TRIO: variants seen among roughly 807,000 people sequenced by gnomAD.
TRIO encodes the protein trio Rho guanine nucleotide exchange factor, also known as triple functional domain protein.
In TRIO, 58 loss-of-function variants were observed where a neutral mutation model predicts 351.9. The observed-to-expected ratio is 0.16, with a 90% CI of 0.13 to 0.21. The LOEUF (loss-of-function observed/expected upper bound fraction) is 0.21. Ranked by LOEUF, TRIO falls within the 10% of genes least tolerant of loss-of-function variation. The probability of loss-of-function intolerance (pLI) is 1.00; values close to 1 mark genes in which losing one functional copy is unlikely to be tolerated. For synonymous variants in TRIO, 1,758 were observed against 1,595.7 expected (o/e 1.10, Z -2.42); for missense variants, 3,201 against 4,027.8 (o/e 0.79, Z 5.56).
chr5:14,194,360 AT>A (rs1325126848), intron 1 of TRIO, among the ~76,000 whole-genome samples: 2 of 152,306 alleles, frequency 1.3e-5, no homozygotes, highest in East Asian at 1.9e-4. Context: ...TAAGGCTCGT[AT>A]TATGTGATCT....
Position 14,488,187 on chromosome 5 carries a change from G to C in TRIO, c.7559G>C (p.Gly2520Ala), listed in dbSNP as rs749262784. 2 of 1,599,734 alleles carry C rather than the reference G, an allele frequency of 1.3e-6. No homozygotes were observed. Among genetic ancestry groups the C allele is most frequent in the Non-Finnish European group, 1.7e-6 (2 of 1,178,568 alleles). Reference protein sequence around the residue: ...QRQTPRHAAPGKDTDRMSTCS... With the variant: ...QRQTPRHAAPAKDTDRMSTCS... ...CAGACACCCCGCCACGCGGCCCCTG[G>C]CAAGGATACTGACCGCATGAGCACG... Residue 2520 changes from glycine to alanine, a missense_variant, in exon 48 of 57, where the codon GGC becomes GCC. Gly to Ala is a moderately conservative substitution (Grantham distance 60). Coordinates refer to ENST00000344204, the MANE Select transcript of TRIO (RefSeq NM_007118.4).
chr5:14,378,150 G>T, intron 20 of TRIO, 23 bp downstream of exon 20: 1 of 1,571,958 alleles, frequency 6.4e-7, no homozygotes, highest in Non-Finnish European at 8.7e-7. Flanking sequence ...CTGGTGCCCA[G>T]CCTCCCCCTA....
chr5:14,496,577 A>T (rs1188132597), intron 49 of TRIO, among the ~76,000 whole-genome samples: 1 of 152,234 alleles, frequency 6.6e-6, no homozygotes, highest in African/African-American at 2.4e-5. Flanking sequence ...CCTCACAGGA[A>T]TACCCAGAAT....
intron 6 of TRIO, among the ~76,000 whole-genome samples, chr5:14,296,187 C>A (rs1000629001): frequency 6.6e-6 from 1 of 151,744 alleles, no homozygotes; most frequent in African/African-American, 2.4e-5. Context: ...ATTGGGGCAA[C>A]GTTGAGAGGA....
chr5:14,297,129 G>A lies in TRIO; in HGVS notation c.1234G>A (p.Gly412Ser). 1.2e-6 allele frequency: 2 copies of A among 1,614,160 alleles called. No homozygotes were observed. The highest frequency in any genetic ancestry group is 1.6e-4 in the Middle Eastern group (1 of 6,062). Residue 412 changes from glycine to serine, a missense_variant, in exon 7 of 57, where the codon GGC becomes AGC. Gly to Ser is a moderately conservative substitution (Grantham distance 56). This residue lies in a region of TRIO where 349 missense variants were observed against 449.3 expected (regional missense o/e 0.78). Coordinates refer to ENST00000344204, the MANE Select transcript of TRIO (RefSeq NM_007118.4). The part of the protein sequence containing the change: ...MSVANRLVES[G>S]HYASQQIRQI... ...GGTGGCCAATCGTCTGGTGGAGTCTGGCCACTATGCCTCGCAGCAGATCAG... is the reference window on the plus strand; with the variant it reads ...GGTGGCCAATCGTCTGGTGGAGTCTAGCCACTATGCCTCGCAGCAGATCAG...
At chr5:14,225,793 C>CCT (rs932866166) in intron 1 of TRIO, among the ~76,000 whole-genome samples, 3 of 17,966 alleles carry the variant, frequency 1.7e-4, no homozygotes, top group Admixed American at 4.3e-4. Flanking sequence ...ACTGCTCCCA[C>CCT]CCCCCCCCCC....
intron 13 of TRIO, among the ~76,000 whole-genome samples, chr5:14,362,665 T>G (rs1744253132): frequency 6.6e-6 from 1 of 152,198 alleles, no homozygotes; most frequent in Non-Finnish European, 1.5e-5. Flanking sequence ...ATTCTGGTTC[T>G]GTTTTTGTGC....
intron 39 of TRIO, 145 bp from the exon 40 acceptor site, chr5:14,473,849 G>GT (rs545184987): frequency 3.4e-4 from 214 of 638,446 alleles, no homozygotes; most frequent in Middle Eastern, 1.8e-3. Flanking sequence ...TTTCATATCG[G>GT]TTTTTTTTGT....
intron 1 of TRIO, among the ~76,000 whole-genome samples, chr5:14,223,867 T>G (rs1792810384): frequency 6.6e-6 from 1 of 152,234 alleles, no homozygotes; most frequent in African/African-American, 2.4e-5. Flanking sequence ...ATTGTCTTAC[T>G]GTTACATTTT....
chr5:14,450,543 G>GA (rs553421464), intron 34 of TRIO, among the ~76,000 whole-genome samples: 45 of 147,884 alleles, frequency 3.0e-4, no homozygotes, highest in African/African-American at 4.4e-4. Context: ...GATTATTTAA[G>GA]AAAAAAAAAA....
intron 11 of TRIO, among the ~76,000 whole-genome samples, chr5:14,350,526 C>T (rs375649350): frequency 3.3e-5 from 5 of 152,308 alleles, no homozygotes; most frequent in Admixed American, 1.3e-4. Flanking sequence ...CATCTTCTGT[C>T]CTACTTGGGT....
In TRIO at chr5:14,330,998, C is replaced by T. The variant is rs1424842183; in HGVS notation, c.1854+98C>T. On this transcript the variant is annotated intron_variant, in intron 10 of 56. Transcript: ENST00000344204. The stretch of plus-strand genomic sequence containing the variant: ...CATTTGAGATAAGTTAGCATTAGCT[C>T]GATGTGTTTGACACCTCAGATGAGG... The T allele has an allele frequency of 7.1e-6, 11 of 1,548,890 alleles. No homozygotes were observed. In the African/African-American group the frequency reaches 9.5e-5, roughly 13 times the overall value.
intron 11 of TRIO, among the ~76,000 whole-genome samples, chr5:14,337,773 C>T (rs1300831779): frequency 5.3e-5 from 8 of 152,126 alleles, no homozygotes; most frequent in African/African-American, 1.9e-4. Context: ...GTTTGGACTG[C>T]AGGCTTCCCT....
chr5:14,485,231 C>T lies in TRIO; in HGVS notation c.6820C>T (p.Arg2274Cys), dbSNP rs372939293. The T allele has an allele frequency of 8.2e-6, 13 of 1,577,764 alleles. No homozygotes were observed. Among genetic ancestry groups the T allele is most frequent in the African/African-American group, 2.7e-5 (2 of 73,952 alleles). The change falls in exon 47 of 57, where the codon CGC becomes TGC. Residue 2274 changes from arginine to cysteine, a missense_variant. By Grantham distance (180) the Arg-to-Cys change is radical (BLOSUM62 -3). Coordinates refer to ENST00000344204, the MANE Select transcript of TRIO (RefSeq NM_007118.4). ...AATCAACCAAATTTTAGAAAACCAG[C>T]GCAATTTTTTAAATGGTAATGTGTG... ...HEINQILENQ[R>C]NFLNALTSPI... is the part of the protein sequence containing the mutation.
rs565284654 is a variant in TRIO at position 14,440,313 on chromosome 5, C to T, written c.5203+20292C>T. Reference sequence around the variant, plus strand: ...TTTCGTCAGACCAAGGCAAGGGCATCCAGGTCTAGTGTGGAGGGCACCGAG... The same window carrying T: ...TTTCGTCAGACCAAGGCAAGGGCATTCAGGTCTAGTGTGGAGGGCACCGAG... On this transcript the variant is annotated intron_variant, in intron 34 of 56. Coordinates refer to ENST00000344204, the MANE Select transcript of TRIO (RefSeq NM_007118.4). 7.2e-5 allele frequency among the ~76,000 whole-genome samples: 11 copies of T among 152,300 alleles called. No individual in the cohort carries two copies. The East Asian group carries it at 2.1e-3, about 29-fold the overall frequency.
intron 11 of TRIO, among the ~76,000 whole-genome samples, chr5:14,346,174 T>A (rs1742398204): frequency 6.6e-6 from 1 of 152,224 alleles, no homozygotes; most frequent in Non-Finnish European, 1.5e-5. Flanking sequence ...CCCTTCCATT[T>A]GTTGAGGTAC....
rs1736103678 is a variant in TRIO at position 14,282,637 on chromosome 5, AC to A, written c.347+2202del. On this transcript the variant is annotated intron_variant, in intron 3 of 56. Coordinates refer to ENST00000344204, the MANE Select transcript of TRIO (RefSeq NM_007118.4). Reference sequence around the variant, plus strand: ...GTGGAGAGAATAATATCATGAACACACATATACCCTTCACCCAGCTTCAGCG... The same window carrying A: ...GTGGAGAGAATAATATCATGAACACAATATACCCTTCACCCAGCTTCAGCG... 4.6e-5 allele frequency among the ~76,000 whole-genome samples: 7 copies of A among 152,210 alleles called. No homozygotes were observed. In the South Asian group the frequency reaches 1.4e-3, roughly 31 times the overall value.
intron 33 of TRIO, among the ~76,000 whole-genome samples, chr5:14,415,211 A>T (rs1441293387): frequency 6.6e-6 from 1 of 152,176 alleles, no homozygotes; most frequent in African/African-American, 2.4e-5. Context: ...TGCTCTCAGA[A>T]AATTGGTCAG....
chr5:14,481,455 C>G lies in TRIO; in HGVS notation c.6388-86C>G, dbSNP rs1755508385. ...CACACTAGAGGGTGGGGAGGAAGAA[C>G]AGAACTTCATCAGGTCAGAGGGTGA... On this transcript the variant is annotated intron_variant, in intron 44 of 56. Transcript: ENST00000344204. 2.0e-6 allele frequency: 3 copies of G among 1,536,546 alleles called. No individual in the cohort carries two copies. In the South Asian group the frequency reaches 3.4e-5, roughly 17 times the overall value.
Sources: gnomAD v4.1 joint callset for allele counts (sites outside exome capture counted in the v4.1 genomes callset) on GRCh38, gnomAD v4.1.1 for gene constraint, gnomAD v4.1.1 regional missense constraint, MANE v1.5 for transcripts, NCBI Gene and HGNC (gene_info 2026-07-23, HGNC 2026-07-21) for gene names.